Variants in AGGF1 observed in about 807,000 individuals in gnomAD.
AGGF1 encodes angiogenic factor with G patch and FHA domains 1.
AGGF1 carries 56 observed loss-of-function variants against 86.5 expected under a neutral mutation model. The ratio of observed to expected loss-of-function variants is 0.65; its 90% CI spans 0.52 to 0.81. The LOEUF is 0.81. AGGF1 is among the 30% of genes least tolerant of loss of function. The pLI, the probability that AGGF1 is intolerant of heterozygous loss-of-function variation, is 0.00. For synonymous variants in AGGF1, 313 were observed against 297.1 expected (o/e 1.05, Z -0.55); for missense variants, 816 against 850.9 (o/e 0.96, Z 0.51).
At chr5:77,033,737 G>T (rs10474486) in intron 1 of AGGF1, among the ~76,000 whole-genome samples, 3 of 152,108 alleles carry the variant, frequency 2.0e-5, no homozygotes, top group African/African-American at 2.4e-5. Context: ...AGTAGACATT[G>T]TCTCACATTG....
Position 77,061,146 on chromosome 5 carries a change from T to C in AGGF1, c.1845-557T>C, listed in dbSNP as rs1453586358. 2.6e-5 allele frequency among the ~76,000 whole-genome samples: 4 copies of C among 152,334 alleles called. No individual in the cohort carries two copies. The East Asian group carries it at 7.7e-4, about 29-fold the overall frequency. On this transcript the variant is annotated intron_variant, in intron 12 of 13. Transcript: ENST00000312916. ...AATGATACATCATAAGATTAACATA[T>C]TGCAGAATACACATTTCTTGGACAA...
chr5:77,044,897 T>C (rs1302251691), intron 5 of AGGF1, among the ~76,000 whole-genome samples: 1 of 152,010 alleles, frequency 6.6e-6, no homozygotes, highest in Middle Eastern at 3.2e-3. Context: ...ACCCCATCTC[T>C]ACTAAAAATA....
At chr5:77,060,046 G>C (rs2150735600) in intron 12 of AGGF1, among the ~76,000 whole-genome samples, 1 of 152,284 alleles carries the variant, frequency 6.6e-6, no homozygotes, top group South Asian at 2.1e-4. Context: ...TTCACATGTT[G>C]TTGGCCAGGC....
chr5:77,056,985 T>C (rs1397920784), intron 11 of AGGF1, among the ~76,000 whole-genome samples: 1 of 152,226 alleles, frequency 6.6e-6, no homozygotes, highest in Non-Finnish European at 1.5e-5. Flanking sequence ...GATATGCTGA[T>C]GGCAAATAAA....
chr5:77,030,897 G>A lies in AGGF1; in HGVS notation c.131G>A (p.Arg44Gln), dbSNP rs1408389753. The stretch of plus-strand genomic sequence containing the variant: ...CTGCGGAGCTGCAAGCGGCAGGTGC[G>A]GGAGATCGAGAAGCTGCTGCATCAC... ...RELRSCKRQV[R>Q]EIEKLLHHTE... Residue 44 changes from arginine to glutamine, a missense_variant, in exon 1 of 14, where the codon CGG becomes CAG. Arg to Gln is a conservative substitution (Grantham distance 43). Transcript: ENST00000312916. 4 of 1,613,368 alleles carry A rather than the reference G, an allele frequency of 2.5e-6. 1 individual carries two copies. The East Asian group carries it at 8.9e-5, about 36-fold the overall frequency.
At chr5:77,036,268 A>G (rs1403345313) in intron 3 of AGGF1, among the ~76,000 whole-genome samples, 4 of 152,166 alleles carry the variant, frequency 2.6e-5, no homozygotes, top group South Asian at 2.1e-4. Flanking sequence ...GTCTTAGCCA[A>G]TATTTCAGGG....
chr5:77,050,306 C>CTTTTTTTTTTTTTTTTTTTT (rs10595061), intron 8 of AGGF1, among the ~76,000 whole-genome samples: 34 of 76,564 alleles, frequency 4.4e-4, no homozygotes, highest in Admixed American at 6.9e-4. Flanking sequence ...TTCTTTGTTT[C>CTTTTTTTTTTTTTTTTTTTT]TTTTTTTTTT....
intron 7 of AGGF1, among the ~76,000 whole-genome samples, chr5:77,048,580 T>A (rs1747314390): frequency 6.6e-6 from 1 of 152,156 alleles, no homozygotes; most frequent in Non-Finnish European, 1.5e-5. Context: ...CTCGAACTCC[T>A]CAAGTGATCC....
At chr5:77,051,902 C>T (rs986313885) in intron 8 of AGGF1, among the ~76,000 whole-genome samples, 1 of 152,112 alleles carries the variant, frequency 6.6e-6, no homozygotes, top group African/African-American at 2.4e-5. Flanking sequence ...CTGTGTATAA[C>T]AACTGGATGA....
At chr5:77,036,513 A>G (rs746158008) in intron 3 of AGGF1, 43 bp from the exon 4 acceptor site, 9 of 1,609,304 alleles carry the variant, frequency 5.6e-6, no homozygotes, top group Non-Finnish European at 7.7e-6. Flanking sequence ...TAATTGATAT[A>G]CAGAAGCTTT....
chr5:77,061,466 A>G (rs1747563063), intron 12 of AGGF1, among the ~76,000 whole-genome samples: 1 of 152,068 alleles, frequency 6.6e-6, no homozygotes, highest in South Asian at 2.1e-4. Flanking sequence ...ATCATTTCTG[A>G]TTTGTTGCTA....
intron 5 of AGGF1, among the ~76,000 whole-genome samples, chr5:77,043,587 ACC>A (rs1272861911): frequency 1.5e-3 from 27 of 17,950 alleles, no homozygotes; most frequent in East Asian, 4.3e-3. Context: ...CGGGGGGCTG[ACC>A]CCCCCCCCCC....
chr5:77,043,545 CACCT>C (rs1747177147), intron 5 of AGGF1, among the ~76,000 whole-genome samples: 1 of 144,076 alleles, frequency 6.9e-6, no homozygotes, highest in Non-Finnish European at 1.6e-5. Flanking sequence ...CTGACCCCCC[CACCT>C]CCCTCCCGGA....
rs565013409 is a variant in AGGF1 at position 77,053,945 on chromosome 5, G to A, written c.1468-20G>A. 6.2e-7 allele frequency: 1 copy of A among 1,612,910 alleles called. No individual in the cohort carries two copies. Among genetic ancestry groups the A allele is most frequent in the African/African-American group, 1.3e-5 (1 of 74,992 alleles). On this transcript the variant is annotated intron_variant, in intron 9 of 13. Transcript: ENST00000312916. ...AAGTGATTGTTTTGATTTCTGTTTTGTAAAATGTTTCCCCTCTAGCCGAAA... is the reference window on the plus strand; with the variant it reads ...AAGTGATTGTTTTGATTTCTGTTTTATAAAATGTTTCCCCTCTAGCCGAAA...
intron 5 of AGGF1, among the ~76,000 whole-genome samples, chr5:77,043,198 C>T (rs1747157965): frequency 1.6e-5 from 1 of 61,856 alleles, no homozygotes; most frequent in Non-Finnish European, 3.5e-5. Context: ...CCCCCCACCT[C>T]CCTCCCGGAC....
Position 77,064,330 on chromosome 5 carries a change from C to A in AGGF1, c.*1078C>A, listed in dbSNP as rs1020857289. Reference sequence around the variant, plus strand: ...TGGGAAATTAACACTGGAACTGACCCTTTTCTGGCAGTGAATGTAAGCTCT... The same window carrying A: ...TGGGAAATTAACACTGGAACTGACCATTTTCTGGCAGTGAATGTAAGCTCT... On this transcript the variant is annotated 3_prime_UTR_variant, in exon 14 of 14. Transcript: ENST00000312916. The A allele has an allele frequency of 6.6e-6, 1 of 152,180 alleles. No individual in the cohort carries two copies. The highest frequency in any genetic ancestry group is 6.5e-5 in the Admixed American group (1 of 15,272). The allele number at this position is 152,180 out of a possible 1,614,324, so 9.4% of individuals were successfully genotyped here.
chr5:77,039,047 A>T (rs1002645027), intron 4 of AGGF1, among the ~76,000 whole-genome samples: 1 of 152,134 alleles, frequency 6.6e-6, no homozygotes, highest in African/African-American at 2.4e-5. Flanking sequence ...TGAACATCAA[A>T]AGACAAATCT....
At chr5:77,062,583 C>T (rs185273875) in intron 13 of AGGF1, among the ~76,000 whole-genome samples, 1 of 152,306 alleles carries the variant, frequency 6.6e-6, no homozygotes, top group East Asian at 1.9e-4. Flanking sequence ...ATTAGGCACT[C>T]AGTAAATGGT....
At chr5:77,053,143 A>G (rs893410544) in intron 9 of AGGF1, among the ~76,000 whole-genome samples, 4 of 152,184 alleles carry the variant, frequency 2.6e-5, no homozygotes, top group African/African-American at 9.7e-5. Flanking sequence ...TAAATTGAAA[A>G]CTGTATTAAA....
Sources: allele counts gnomAD v4.1 joint callset (sites outside exome capture counted in the v4.1 genomes callset), GRCh38; gene constraint gnomAD v4.1.1; transcripts MANE v1.5; gene names NCBI Gene and HGNC (gene_info 2026-07-23, HGNC 2026-07-21).